Variants in TDRD12 observed in about 807,000 individuals in gnomAD.
TDRD12 encodes putative ATP-dependent RNA helicase TDRD12.
A neutral mutation model predicts 133.5 loss-of-function variants in TDRD12; 158 were observed. The observed-to-expected ratio is 1.18, with a 90% confidence interval of 1.04 to 1.35. The LOEUF (loss-of-function observed/expected upper bound fraction) is 1.35. Among genes scored for constraint, TDRD12 ranks in the 40% most tolerant of loss-of-function variants. The pLI is 0.00. For missense variants in TDRD12, 1,443 were observed against 1,321.3 expected, an observed-to-expected ratio of 1.09 and a Z score of -1.43; for synonymous variants, 460 against 477.9, an observed-to-expected ratio of 0.96 and a Z score of 0.49.
intron 4 of TDRD12, among the ~76,000 whole-genome samples, chr19:32,746,230 G>A (rs1326201748): frequency 6.6e-6 from 1 of 150,564 alleles, no homozygotes; most frequent in Non-Finnish European, 1.5e-5. Flanking sequence ...GAGAGAGAGA[G>A]TCTGGCTGAT....
chr19:32,769,069 G>A (rs888015963), intron 8 of TDRD12, among the ~76,000 whole-genome samples: 1 of 152,184 alleles, frequency 6.6e-6, no homozygotes, highest in South Asian at 2.1e-4. Context: ...TTCTGGAGAC[G>A]TCATTTGTAT....
chr19:32,761,098 G>A (rs1004809789), intron 8 of TDRD12, among the ~76,000 whole-genome samples: 58 of 152,070 alleles, frequency 3.8e-4, no homozygotes, highest in African/African-American at 1.4e-3. Context: ...GTTGCATTTA[G>A]AGAAGACGTT....
chr19:32,820,860 G>A (rs1967357589), intron 27 of TDRD12, 173 bp from the exon 28 acceptor site: 8 of 588,042 alleles, frequency 1.4e-5, no homozygotes, highest in Non-Finnish European at 2.4e-5. Context: ...CATCATCCTT[G>A]TCGGAAGGAA....
chr19:32,821,280 C>T (rs944249865), downstream of TDRD12: 1 of 750,568 alleles, frequency 1.3e-6, no homozygotes, highest in African/African-American at 1.8e-5. Context: ...TTATTTTTGA[C>T]AGGTCAGCCC....
intron 1 of TDRD12, among the ~76,000 whole-genome samples, chr19:32,721,736 C>T (rs1411068271): frequency 8.1e-6 from 1 of 123,100 alleles, no homozygotes; most frequent in Non-Finnish European, 1.7e-5. Context: ...GAGAAGGAGT[C>T]TTGCTCAGTC....
At chr19:32,728,043 T>G (rs1968915416) in intron 1 of TDRD12, among the ~76,000 whole-genome samples, 1 of 152,166 alleles carries the variant, frequency 6.6e-6, no homozygotes, top group African/African-American at 2.4e-5. Flanking sequence ...CCCTGAATGG[T>G]TTTGGTACCC....
chr19:32,800,803 G>C (rs1289288137), intron 18 of TDRD12, 31 bp downstream of exon 18: 1 of 1,493,672 alleles, frequency 6.7e-7, no homozygotes, highest in East Asian at 2.5e-5. Context: ...AAAATGTTCT[G>C]TTTGTTTCAA....
intron 13 of TDRD12, among the ~76,000 whole-genome samples, chr19:32,791,685 A>C (rs959330097): frequency 7.9e-5 from 12 of 152,096 alleles, no homozygotes; most frequent in African/African-American, 2.9e-4. Flanking sequence ...GAGCACCCAC[A>C]GCCAGCTTGT....
exon 10 of TDRD12, chr19:32,828,141 C>T (rs2145781292): frequency 6.6e-6 from 1 of 152,314 alleles, no homozygotes; most frequent in Non-Finnish European, 1.5e-5. Flanking sequence ...AGTAAGTTGA[C>T]TTCTGATGAA....
chr19:32,745,822 A>G (rs1312981756), intron 4 of TDRD12, among the ~76,000 whole-genome samples: 319 of 52,516 alleles, frequency 6.1e-3, no homozygotes, highest in African/African-American at 7.4e-3. Flanking sequence ...GTGAGAGAGA[A>G]GGAGAGAGAC....
intron 27 of TDRD12, among the ~76,000 whole-genome samples, chr19:32,818,794 C>T (rs908673274): frequency 1.3e-5 from 2 of 152,068 alleles, no homozygotes; most frequent in East Asian, 1.9e-4. Flanking sequence ...GCGAGGGATG[C>T]GTGTCCCGGA....
intron 4 of TDRD12, among the ~76,000 whole-genome samples, chr19:32,745,669 G>A (rs7256763): frequency 7.1e-6 from 1 of 140,864 alleles, no homozygotes; most frequent in Non-Finnish European, 1.5e-5. Context: ...TTCTGTGTGT[G>A]TGAGAGAGAG....
exon 1 of TDRD12, chr19:32,719,884 C>G: frequency 1.5e-6 from 1 of 663,634 alleles, no homozygotes; most frequent in Non-Finnish European, 2.6e-6. Flanking sequence ...GAGCCGACCC[C>G]GGGGTCCGCG....
chr19:32,724,977 C>T (rs573547863), intron 1 of TDRD12, among the ~76,000 whole-genome samples: 10 of 152,236 alleles, frequency 6.6e-5, no homozygotes, highest in African/African-American at 2.4e-4. Context: ...TGATGTTGAG[C>T]TTTTTTTCAT....
At chr19:32,760,014 A>C (rs534713345) in intron 8 of TDRD12, among the ~76,000 whole-genome samples, 5 of 152,384 alleles carry the variant, frequency 3.3e-5, no homozygotes, top group Admixed American at 1.3e-4. Flanking sequence ...GAATTACAGC[A>C]GAAGGTAGCA....
At chr19:32,790,768 G>T in intron 12 of TDRD12, 177 bp downstream of exon 12, 2 of 1,507,402 alleles carry the variant, frequency 1.3e-6, no homozygotes, top group Non-Finnish European at 1.8e-6. Context: ...CTGAGAAATT[G>T]TTCCTTGTTT....
At chr19:32,778,680 A>G (rs1025605731) in intron 11 of TDRD12, among the ~76,000 whole-genome samples, 5 of 151,922 alleles carry the variant, frequency 3.3e-5, no homozygotes, top group African/African-American at 1.2e-4. Context: ...TTGTATTTTT[A>G]GTAGAGATGG....
At chr19:32,781,325 TC>T (rs761157452) in intron 11 of TDRD12, among the ~76,000 whole-genome samples, 30 of 152,206 alleles carry the variant, frequency 2.0e-4, no homozygotes, top group Non-Finnish European at 3.4e-4. Context: ...TCTTTGGACA[TC>T]CCTCCAGACC....
chr19:32,813,900 T>G (rs1475251547), intron 25 of TDRD12, 124 bp downstream of exon 25: 1 of 634,016 alleles, frequency 1.6e-6, no homozygotes, highest in Non-Finnish European at 2.7e-6. Flanking sequence ...GGGGATTTGT[T>G]AGGGAGAGGT....
Sources: allele counts gnomAD v4.1 joint callset (sites outside exome capture counted in the v4.1 genomes callset), GRCh38; gene constraint gnomAD v4.1.1; transcripts MANE v1.5; gene names NCBI Gene and HGNC (gene_info 2026-07-23, HGNC 2026-07-21).